The following LDLRAP1 variants were observed in gnomAD, a reference collection of about 807,000 sequenced individuals.
LDLRAP1 encodes the protein low density lipoprotein receptor adapter protein 1.
Under a neutral mutation model 37.8 loss-of-function variants are expected in LDLRAP1, and 30 were observed. The observed-to-expected ratio is 0.79, with a 90% CI of 0.59 to 1.08. The LOEUF (loss-of-function observed/expected upper bound fraction) is 1.08, where lower values mean the gene tolerates loss of function less well. LDLRAP1 is among the 50% of genes least tolerant of loss of function. LDLRAP1 has a pLI of 0.00. For missense variants in LDLRAP1, 375 were observed against 401.6 expected (o/e 0.93, Z 0.57); for synonymous variants, 156 against 169.8 (o/e 0.92, Z 0.63).
intron 1 of LDLRAP1, 112 bp downstream of exon 1, chr1:25,543,898 C>A: frequency 1.6e-6 from 1 of 618,142 alleles, no homozygotes; most frequent in Non-Finnish European, 2.3e-6. Flanking sequence ...CTCACCGGCG[C>A]TCCGGTCCCG....
chr1:25,590,313 C>T, the LDLRAP1 span: 1 of 152,250 alleles, frequency 6.6e-6, no homozygotes, highest in Non-Finnish European at 1.5e-5. Context: ...CCAGCAGAGC[C>T]AGCTCTGCTA....
At chr1:25,570,962 TC>T, downstream of LDLRAP1, among the ~76,000 whole-genome samples, 1 of 152,150 alleles carries the variant, frequency 6.6e-6, no homozygotes, top group Non-Finnish European at 1.5e-5. Flanking sequence ...AGGTAGGTGG[TC>T]CTAGTCCCAT....
chr1:25,557,089 G>T, intron 3 of LDLRAP1, 64 bp from the exon 4 acceptor site: 1 of 1,233,458 alleles, frequency 8.1e-7, no homozygotes, highest in South Asian at 1.2e-5. Context: ...CTGCCCTGCA[G>T]GGCTTCCCAC....
the LDLRAP1 span, among the ~76,000 whole-genome samples, chr1:25,584,083 G>C: frequency 1.3e-5 from 2 of 152,098 alleles, no homozygotes; most frequent in Non-Finnish European, 1.5e-5. Context: ...CTGTCTGTGG[G>C]TTGAGCCTGT....
chr1:25,569,347 CAG>C (rs1472919928), downstream of LDLRAP1, among the ~76,000 whole-genome samples: 8 of 152,166 alleles, frequency 5.3e-5, no homozygotes, highest in Non-Finnish European at 1.0e-4. Context: ...GTACTGGGGA[CAG>C]GGGTCCAGGC....
rs769595182 is a variant in LDLRAP1, at chr1:25,562,717, G to A, written c.532+1G>A. ...GAGTTTTGGCAGGTGTCCAAGGAAG[G>A]TGAGACTTTGCATCTACATTGTGGG... is the stretch of plus-strand genomic sequence containing the variant. On this transcript the variant is annotated splice_donor_variant, in intron 5 of 8. Coordinates refer to ENST00000374338, the MANE Select transcript of LDLRAP1 (RefSeq NM_015627.3). LOFTEE classifies it high-confidence loss of function. 4 of 1,613,758 alleles carry A rather than the reference G, an allele frequency of 2.5e-6. No homozygotes were observed. In the Admixed American group the frequency reaches 5.0e-5, roughly 20 times the overall value.
At chr1:25,566,542 C>A (rs1363671469) in intron 8 of LDLRAP1, among the ~76,000 whole-genome samples, 1 of 152,134 alleles carries the variant, frequency 6.6e-6, no homozygotes, top group Non-Finnish European at 1.5e-5. Context: ...CCACCCCCAC[C>A]CCCGCTGCTC....
chr1:25,567,701 A>G lies in LDLRAP1; in HGVS notation c.*709A>G, dbSNP rs2044520678. 1 of 154,712 alleles carries G rather than the reference A, an allele frequency of 6.5e-6. No individual in the cohort carries two copies. The highest frequency in any genetic ancestry group is 2.4e-5 in the African/African-American group (1 of 41,440). 9.6% of individuals were successfully genotyped at this position (154,712 alleles called of 1,614,324 possible). On this transcript the variant is annotated 3_prime_UTR_variant, in exon 9 of 9. Transcript: ENST00000374338. ...GCCCTTCCTCCAGGAGAAGGGGCCCAAGGTCCCCGTGGATGGTCTCCACCT... is the reference window on the plus strand; with the variant it reads ...GCCCTTCCTCCAGGAGAAGGGGCCCGAGGTCCCCGTGGATGGTCTCCACCT...
intron 8 of LDLRAP1, 73 bp downstream of exon 8, chr1:25,565,280 G>C: frequency 1.3e-6 from 2 of 1,545,398 alleles, no homozygotes; most frequent in Non-Finnish European, 1.8e-6. Flanking sequence ...TTCTCCTGGG[G>C]ACCTTTCCCC....
chr1:25,557,461 A>G, intron 4 of LDLRAP1, 194 bp downstream of exon 4: 1 of 602,726 alleles, frequency 1.7e-6, no homozygotes. Context: ...AGGCAGGTGA[A>G]CCGCCGGTCA....
intron 1 of LDLRAP1, among the ~76,000 whole-genome samples, chr1:25,546,790 G>GC (rs2043944354): frequency 6.6e-6 from 1 of 151,892 alleles, no homozygotes; most frequent in African/African-American, 2.4e-5. Context: ...AATGAATGTG[G>GC]CCCAACACAA....
the LDLRAP1 span, among the ~76,000 whole-genome samples, chr1:25,584,798 T>C: frequency 6.6e-6 from 1 of 152,130 alleles, no homozygotes; most frequent in East Asian, 1.9e-4. Flanking sequence ...GTCTTCAGGA[T>C]TTGGGGTGTT....
rs751580167 is a variant in LDLRAP1, at chr1:25,553,916, C to T, written c.89-6C>T. The T allele has an allele frequency of 6.2e-7, 1 of 1,613,318 alleles. No homozygotes were observed. The highest frequency in any genetic ancestry group is 1.3e-5 in the African/African-American group (1 of 74,924). On this transcript the variant is annotated splice_region_variant and splice_polypyrimidine_tract_variant and intron_variant, in intron 1 of 8. Transcript: ENST00000374338. ...GGGTCTGAGGGCCTACCCTGTGCTA[C>T]CCCAGAGCTGCCTGAGAACTGGACA...
At chr1:25,575,242 C>T in the LDLRAP1 span, among the ~76,000 whole-genome samples, 2 of 152,064 alleles carry the variant, frequency 1.3e-5, no homozygotes, top group Non-Finnish European at 2.9e-5. Flanking sequence ...GCCAGGACTC[C>T]AGCACTGTGG....
At chr1:25,569,541 G>T (rs959174816), downstream of LDLRAP1, among the ~76,000 whole-genome samples, 1 of 152,176 alleles carries the variant, frequency 6.6e-6, no homozygotes, top group East Asian at 1.9e-4. Flanking sequence ...TGACCTCCCC[G>T]CTTTTTACCA....
At chr1:25,573,666 C>CCTATGTCGGGAG (rs2044634780), downstream of LDLRAP1, among the ~76,000 whole-genome samples, 2 of 152,322 alleles carry the variant, frequency 1.3e-5, no homozygotes, top group South Asian at 4.1e-4. Context: ...GGCTGCCACA[C>CCTATGTCGGGAG]CTATGTCGGG....
chr1:25,556,217 G>T (rs1414514958), intron 3 of LDLRAP1, among the ~76,000 whole-genome samples: 1 of 152,112 alleles, frequency 6.6e-6, no homozygotes. Flanking sequence ...TGAGTCTGTG[G>T]TGCTCCTGCC....
the LDLRAP1 span, among the ~76,000 whole-genome samples, chr1:25,582,531 T>G: frequency 4.5e-4 from 67 of 148,616 alleles, no homozygotes; most frequent in South Asian, 1.3e-3. Flanking sequence ...GTTGCAGTGA[T>G]CCGAGATCGT....
At chr1:25,590,088 G>A in the LDLRAP1 span, 2 of 152,192 alleles carry the variant, frequency 1.3e-5, no homozygotes, top group Non-Finnish European at 2.9e-5. Context: ...GGTGAAAGAG[G>A]GAGACTCCGT....
Sources: gnomAD v4.1 joint callset for allele counts (sites outside exome capture counted in the v4.1 genomes callset) on GRCh38, gnomAD v4.1.1 for gene constraint, MANE v1.5 for transcripts, NCBI Gene and HGNC (gene_info 2026-07-23, HGNC 2026-07-21) for gene names.